SOX5: variants seen among roughly 807,000 people sequenced by gnomAD.
The protein encoded by SOX5 is transcription factor SOX-5.
A neutral mutation model predicts 92.0 loss-of-function variants in SOX5; 9 were observed. The ratio of observed to expected loss-of-function variants is 0.10; its 90% confidence interval spans 0.06 to 0.17. The LOEUF (loss-of-function observed/expected upper bound fraction) is 0.17, where lower values mean the gene tolerates loss of function less well. Among genes scored for constraint, SOX5 ranks in the 10% least tolerant of loss-of-function variants. The probability of loss-of-function intolerance (pLI) is 1.00; values close to 1 mark genes in which losing one functional copy is unlikely to be tolerated. For synonymous variants in SOX5, 344 were observed against 336.3 expected, an observed-to-expected ratio of 1.02 and a Z score of -0.25; for missense variants, 642 against 944.5, an observed-to-expected ratio of 0.68 and a Z score of 4.20.
chr12:23,897,725 C>A (rs2097191490), intron 1 of SOX5, among the ~76,000 whole-genome samples: 1 of 152,006 alleles, frequency 6.6e-6, no homozygotes, highest in Non-Finnish European at 1.5e-5. Flanking sequence ...ATAAATGCTC[C>A]CTGGCCAGCA....
At chr12:23,869,033 C>A (rs762167521) in intron 2 of SOX5, among the ~76,000 whole-genome samples, 2 of 152,020 alleles carry the variant, frequency 1.3e-5, no homozygotes, top group Non-Finnish European at 2.9e-5. Flanking sequence ...TTATAGGCTG[C>A]GTAACTTTAT....
At chr12:23,895,058 G>C (rs2097163531) in intron 2 of SOX5, among the ~76,000 whole-genome samples, 1 of 152,146 alleles carries the variant, frequency 6.6e-6, no homozygotes, top group South Asian at 2.1e-4. Flanking sequence ...TTGTGTTTAT[G>C]TGTGCTGTTT....
At chr12:23,744,675 A>T (rs11047077) in intron 4 of SOX5, among the ~76,000 whole-genome samples, 1,610 of 152,248 alleles carry the variant, frequency 0.011, 25 homozygotes, top group African/African-American at 0.036. Context: ...ATCTCCTCCC[A>T]ACACTGTCCC....
At chr12:24,222,596 A>G (rs994371704) in intron 3 of SOX5, among the ~76,000 whole-genome samples, 1 of 152,192 alleles carries the variant, frequency 6.6e-6, no homozygotes, top group African/African-American at 2.4e-5. Context: ...TAAAAGCGAT[A>G]TATCTAGGTT....
intron 1 of SOX5, among the ~76,000 whole-genome samples, chr12:24,500,070 T>G (rs982059149): frequency 6.6e-6 from 1 of 152,168 alleles, no homozygotes; most frequent in Non-Finnish European, 1.5e-5. Context: ...AAGTCAGAAC[T>G]CAAAATCCTA....
chr12:23,971,860 C>T lies in SOX5; in HGVS notation c.-1-75836G>A, dbSNP rs559121228. On this transcript the variant is annotated intron_variant, in intron 4 of 4. Coordinates refer to the SOX5 transcript ENST00000446891. ...AACATTGTGCATGTACTTTATATCA[C>T]TAAATTACATATTCCTCCAAATAGG... Among the ~76,000 whole-genome samples the T allele has an allele frequency of 2.7e-4, 41 of 152,184 alleles. 1 individual carries two copies. Among genetic ancestry groups the T allele is most frequent in the Admixed American group, 7.2e-4 (11 of 15,290 alleles).
At chr12:23,558,407 C>T (rs1945607461) in intron 11 of SOX5, among the ~76,000 whole-genome samples, 1 of 152,098 alleles carries the variant, frequency 6.6e-6, no homozygotes, top group African/African-American at 2.4e-5. Flanking sequence ...CTGAAGTTAG[C>T]AAAGAGAAAA....
At chr12:24,392,960 T>C (rs971316774) in intron 1 of SOX5, among the ~76,000 whole-genome samples, 4 of 152,146 alleles carry the variant, frequency 2.6e-5, no homozygotes, top group African/African-American at 7.2e-5. Flanking sequence ...AGAGTCTTCA[T>C]GTACTAACTA....
intron 4 of SOX5, among the ~76,000 whole-genome samples, chr12:24,071,303 T>C (rs1028421426): frequency 2.6e-5 from 4 of 152,250 alleles, no homozygotes; most frequent in Non-Finnish European, 4.4e-5. Context: ...CTTAACTGCA[T>C]TGCCTAATTT....
At chr12:24,075,277 TAAAAAAAAAAAAA>T (rs59967372) in intron 4 of SOX5, among the ~76,000 whole-genome samples, 8 of 75,790 alleles carry the variant, frequency 1.1e-4, no homozygotes, top group Non-Finnish European at 1.4e-4. Flanking sequence ...CTCAAATTAT[TAAAAAAAAAAAAA>T]AAAAAAAAAA....
intron 6 of SOX5, among the ~76,000 whole-genome samples, chr12:23,700,443 A>G (rs747820912): frequency 1.1e-4 from 16 of 152,160 alleles, no homozygotes; most frequent in Non-Finnish European, 2.2e-4. Flanking sequence ...GAGCAGAAAT[A>G]TATTATAAAG....
intron 1 of SOX5, among the ~76,000 whole-genome samples, chr12:24,509,318 G>A (rs1019693248): frequency 6.6e-6 from 1 of 152,114 alleles, no homozygotes; most frequent in Admixed American, 6.5e-5. Flanking sequence ...CTGGACTTCT[G>A]CTATACTCAC....
chr12:24,319,609 G>C (rs1224904722), intron 2 of SOX5, among the ~76,000 whole-genome samples: 5 of 152,146 alleles, frequency 3.3e-5, no homozygotes, highest in Non-Finnish European at 7.3e-5. Context: ...CTCCGGAGTG[G>C]TTTTCCAGTC....
intron 1 of SOX5, among the ~76,000 whole-genome samples, chr12:24,508,317 A>G (rs1948993191): frequency 6.6e-6 from 1 of 152,090 alleles, no homozygotes; most frequent in Non-Finnish European, 1.5e-5. Context: ...ATAAAGGAGT[A>G]AAAGAGAACA....
intron 1 of SOX5, among the ~76,000 whole-genome samples, chr12:23,913,036 A>G (rs1391938124): frequency 6.6e-6 from 1 of 152,222 alleles, no homozygotes; most frequent in Non-Finnish European, 1.5e-5. Flanking sequence ...ACTACAAAGC[A>G]CACATTATCA....
chr12:23,971,807 A>C (rs948045403), intron 4 of SOX5, among the ~76,000 whole-genome samples: 1 of 152,146 alleles, frequency 6.6e-6, no homozygotes, highest in Admixed American at 6.5e-5. Context: ...GGGGAAAAGC[A>C]ACAGAGTTTG....
Position 24,009,203 on chromosome 12 carries a change from G to A in SOX5, c.-1-113179C>T, listed in dbSNP as rs77489704. On this transcript the variant is annotated intron_variant, in intron 4 of 4. Coordinates refer to the SOX5 transcript ENST00000446891. ...ACTACAACTACATAAGAGATTCCACGTGAGACCCATCCAGTTAAACCCAAT... is the reference window on the plus strand; with the variant it reads ...ACTACAACTACATAAGAGATTCCACATGAGACCCATCCAGTTAAACCCAAT... 1.3e-3 allele frequency among the ~76,000 whole-genome samples: 203 copies of A among 152,304 alleles called. 6 individuals are homozygous for A. In the East Asian group the frequency reaches 0.036, roughly 27 times the overall value.
chr12:23,717,493 G>A (rs1242696261), intron 6 of SOX5, among the ~76,000 whole-genome samples: 1 of 152,114 alleles, frequency 6.6e-6, no homozygotes, highest in Non-Finnish European at 1.5e-5. Context: ...ATTAAATAGT[G>A]AGCAGAAAAC....
upstream of SOX5, among the ~76,000 whole-genome samples, chr12:23,954,625 T>C (rs2139919369): frequency 6.6e-6 from 1 of 152,190 alleles, no homozygotes; most frequent in East Asian, 1.9e-4. Flanking sequence ...AGGCATTCTA[T>C]AGCCTATCTT....
Sources: allele counts gnomAD v4.1 joint callset (sites outside exome capture counted in the v4.1 genomes callset), GRCh38; gene constraint gnomAD v4.1.1; transcripts MANE v1.5; gene names NCBI Gene and HGNC (gene_info 2026-07-23, HGNC 2026-07-21).